The following TRMT2B variants were observed in gnomAD, a reference collection of about 807,000 sequenced individuals.
TRMT2B encodes the protein tRNA (uracil-5-)-methyltransferase homolog B.
TRMT2B carries 34 observed loss-of-function variants against 39.7 expected under a neutral mutation model. The ratio of observed to expected loss-of-function variants is 0.86; its 90% CI spans 0.65 to 1.14. The LOEUF (loss-of-function observed/expected upper bound fraction) is 1.14. TRMT2B is among the 50% of genes most tolerant of loss of function. TRMT2B has a pLI of 0.00. For synonymous variants in TRMT2B, 132 were observed against 137.3 expected (o/e 0.96, Z 0.27); for missense variants, 318 against 377.2 (o/e 0.84, Z 1.30).
downstream of TRMT2B, chrX:101,009,200 C>G (rs890017847): frequency 2.7e-5 from 3 of 112,007 alleles, no homozygotes; most frequent in African/African-American, 9.7e-5. Context: ...TACCAGTTAA[C>G]CTGATATCAC....
At chrX:101,038,179 C>T in intron 4 of TRMT2B, 128 bp from the exon 5 acceptor site, 1 of 526,794 alleles carries the variant, frequency 1.9e-6, no homozygotes, top group Non-Finnish European at 3.1e-6. Flanking sequence ...ACCAGCCTGA[C>T]CAACATGAAG....
intron 13 of TRMT2B, chrX:101,013,694 G>A (rs1324329441): frequency 9.6e-6 from 1 of 104,524 alleles, no homozygotes; most frequent in African/African-American, 3.7e-5. Context: ...GGAGGCTGTA[G>A]TGAGCCGAGA....
At chrX:101,046,922 G>C (rs1261223714) in intron 2 of TRMT2B, among the ~76,000 whole-genome samples, 1 of 109,341 alleles carries the variant, frequency 9.1e-6, no homozygotes, top group East Asian at 2.9e-4. Flanking sequence ...GCGAAACTCC[G>C]TCCCCCCAGC....
intron 2 of TRMT2B, among the ~76,000 whole-genome samples, chrX:101,042,576 T>C (rs1347902356): frequency 8.9e-6 from 1 of 112,096 alleles, no homozygotes; most frequent in Non-Finnish European, 1.9e-5. Context: ...GACAAATCTC[T>C]TTCCCTATTC....
At chrX:101,027,133 C>G (rs781599838) in intron 7 of TRMT2B, among the ~76,000 whole-genome samples, 2 of 111,830 alleles carry the variant, frequency 1.8e-5, no homozygotes, top group South Asian at 7.4e-4. Context: ...TAAGTCCTCA[C>G]TTCCTTGACC....
At chrX:100,999,975 A>G in the TRMT2B span, among the ~76,000 whole-genome samples, 1 of 111,633 alleles carries the variant, frequency 9.0e-6, no homozygotes, top group African/African-American at 3.3e-5. Flanking sequence ...GCAATGACAA[A>G]ATTTGCACTC....
At chrX:101,043,907 A>C (rs1418403510) in intron 2 of TRMT2B, among the ~76,000 whole-genome samples, 2 of 112,180 alleles carry the variant, frequency 1.8e-5, no homozygotes, top group Admixed American at 1.9e-4. Flanking sequence ...GAGATGATGG[A>C]GGCTTTATGT....
At chrX:100,980,862 G>A in the TRMT2B span, among the ~76,000 whole-genome samples, 1 of 111,723 alleles carries the variant, frequency 9.0e-6, no homozygotes, top group Non-Finnish European at 1.9e-5. Context: ...TTCCCTTCTG[G>A]CCCAGGATGG....
chrX:100,988,207 C>T, the TRMT2B span: 1 of 1,205,270 alleles, frequency 8.3e-7, no homozygotes, highest in Non-Finnish European at 1.1e-6. Context: ...TCCACCAGAA[C>T]AGGAATGTCA....
chrX:101,047,909 G>A (rs1377200284), intron 2 of TRMT2B, among the ~76,000 whole-genome samples: 5 of 109,191 alleles, frequency 4.6e-5, no homozygotes, highest in Non-Finnish European at 7.6e-5. Flanking sequence ...CTCCTGTCTC[G>A]GCCTCCCAAA....
chrX:101,010,776 A>G (rs2086214002), intron 13 of TRMT2B, 69 bp from the exon 14 acceptor site: 3 of 1,086,076 alleles, frequency 2.8e-6, no homozygotes, highest in South Asian at 2.3e-5. Context: ...ACAATTGCCT[A>G]AAATAGAGGC....
intron 7 of TRMT2B, among the ~76,000 whole-genome samples, chrX:101,032,879 G>T (rs1385905498): frequency 9.1e-6 from 1 of 109,878 alleles, no homozygotes; most frequent in South Asian, 3.8e-4. Context: ...CAGGAAAAAG[G>T]TCTTCAGGGA....
the TRMT2B span, among the ~76,000 whole-genome samples, chrX:100,980,989 C>T: frequency 9.0e-6 from 1 of 111,724 alleles, no homozygotes; most frequent in African/African-American, 3.3e-5. Flanking sequence ...GTTCTCTTTA[C>T]TCTTCCCTCT....
intron 7 of TRMT2B, among the ~76,000 whole-genome samples, chrX:101,026,475 CAA>C (rs55926567): frequency 4.7e-5 from 3 of 64,146 alleles, no homozygotes; most frequent in Admixed American, 2.2e-4. Context: ...AACTCCGTCT[CAA>C]AAAAAAAAAA....
intron 7 of TRMT2B, among the ~76,000 whole-genome samples, chrX:101,025,685 G>A (rs938805433): frequency 1.1e-4 from 12 of 111,853 alleles, no homozygotes; most frequent in Admixed American, 8.7e-4. Flanking sequence ...TCCACTGGGC[G>A]TGATCCCTCC....
At chrX:101,007,822 C>T (rs770735874), downstream of TRMT2B, among the ~76,000 whole-genome samples, 27 of 111,261 alleles carry the variant, frequency 2.4e-4, 1 homozygote, top group South Asian at 9.7e-3. Context: ...CTCAGCCTCC[C>T]CACTAGCTGG....
At chrX:101,032,101 C>T (rs2087504564) in intron 7 of TRMT2B, among the ~76,000 whole-genome samples, 1 of 110,575 alleles carries the variant, frequency 9.0e-6, no homozygotes, top group Admixed American at 9.8e-5. Flanking sequence ...CTCATGCCAA[C>T]CTGGTGAAAC....
At chrX:100,989,476 G>A in the TRMT2B span, among the ~76,000 whole-genome samples, 1 of 109,872 alleles carries the variant, frequency 9.1e-6, no homozygotes, top group Non-Finnish European at 1.9e-5. Flanking sequence ...CGGGCATGGT[G>A]GCGGACGCCT....
intron 8 of TRMT2B, 25 bp downstream of exon 8, chrX:101,023,445 T>C: frequency 8.3e-7 from 1 of 1,197,853 alleles, no homozygotes; most frequent in Non-Finnish European, 1.1e-6. Context: ...AAAGTTAAGG[T>C]TGCTTAACAT....
Sources: gnomAD v4.1 joint callset for allele counts (sites outside exome capture counted in the v4.1 genomes callset) on GRCh38, gnomAD v4.1.1 for gene constraint, MANE v1.5 for transcripts, NCBI Gene and HGNC (gene_info 2026-07-23, HGNC 2026-07-21) for gene names.